Variants in ADGRL2 observed in about 807,000 individuals in gnomAD.
ADGRL2 encodes calcium-independent alpha-latrotoxin receptor 2.
Under a neutral mutation model 157.4 loss-of-function variants are expected in ADGRL2, and 44 were observed. The ratio of observed to expected loss-of-function variants is 0.28; its 90% confidence interval spans 0.22 to 0.36. ADGRL2 has a LOEUF of 0.36. ADGRL2 is among the 10% of genes least tolerant of loss of function. The probability of loss-of-function intolerance (pLI) is 1.00; values close to 1 mark genes in which losing one functional copy is unlikely to be tolerated. For missense variants in ADGRL2, 1,510 were observed against 1,768.9 expected (o/e 0.85, Z 2.63); for synonymous variants, 585 against 624.7 (o/e 0.94, Z 0.95).
chr1:81,471,024 C>T (rs1404432794), intron 2 of ADGRL2, among the ~76,000 whole-genome samples: 1 of 152,098 alleles, frequency 6.6e-6, no homozygotes, highest in Non-Finnish European at 1.5e-5. Context: ...AGTCTGTTTC[C>T]TCACTGGTAA....
At chr1:81,912,594 A>C (rs2094756142) in intron 3 of ADGRL2, among the ~76,000 whole-genome samples, 1 of 152,150 alleles carries the variant, frequency 6.6e-6, no homozygotes, top group Admixed American at 6.5e-5. Flanking sequence ...GATATCACCC[A>C]CAGAGATTAT....
At chr1:81,857,877 A>T (rs546838101) in intron 2 of ADGRL2, among the ~76,000 whole-genome samples, 5 of 152,140 alleles carry the variant, frequency 3.3e-5, no homozygotes, top group Non-Finnish European at 7.4e-5. Context: ...TGGAATTTTT[A>T]TCTTATTTAT....
chr1:81,403,596 T>C (rs1434209371), intron 1 of ADGRL2, among the ~76,000 whole-genome samples: 1 of 152,042 alleles, frequency 6.6e-6, no homozygotes, highest in Non-Finnish European at 1.5e-5. Context: ...AGTGTACCTC[T>C]AGGATGGCAT....
At chr1:81,830,265 T>TA (rs2091849780) in intron 1 of ADGRL2, among the ~76,000 whole-genome samples, 1 of 152,118 alleles carries the variant, frequency 6.6e-6, no homozygotes, top group Non-Finnish European at 1.5e-5. Context: ...GGATATCCAT[T>TA]AAAAATGTGT....
intron 3 of ADGRL2, among the ~76,000 whole-genome samples, chr1:81,615,796 A>G (rs1489597007): frequency 6.6e-6 from 1 of 152,244 alleles, no homozygotes; most frequent in African/African-American, 2.4e-5. Flanking sequence ...GTTGGTCTCT[A>G]TCTTCAGGAA....
At chr1:81,973,416 C>T (rs1170249750) in intron 17 of ADGRL2, among the ~76,000 whole-genome samples, 1 of 152,064 alleles carries the variant, frequency 6.6e-6, no homozygotes, top group East Asian at 1.9e-4. Flanking sequence ...CCTCTAAGAC[C>T]TTCGTCAAAC....
intron 2 of ADGRL2, among the ~76,000 whole-genome samples, chr1:81,872,993 A>G (rs17107382): frequency 0.054 from 8,165 of 152,224 alleles, 664 homozygotes; most frequent in African/African-American, 0.18. Flanking sequence ...AACATGGATT[A>G]AAATGAGCAA....
At chr1:81,883,825 A>T (rs918759155) in intron 2 of ADGRL2, among the ~76,000 whole-genome samples, 1 of 151,944 alleles carries the variant, frequency 6.6e-6, no homozygotes, top group African/African-American at 2.4e-5. Context: ...GTCTTCCTTT[A>T]TCAGTTTTAA....
At chr1:81,982,788 G>A (rs1414099485) in intron 19 of ADGRL2, among the ~76,000 whole-genome samples, 1 of 152,012 alleles carries the variant, frequency 6.6e-6, no homozygotes, top group East Asian at 1.9e-4. Context: ...AGTGGAATGT[G>A]CAATACTGAC....
chr1:81,651,737 T>A (rs2082424223), intron 3 of ADGRL2, among the ~76,000 whole-genome samples: 1 of 152,142 alleles, frequency 6.6e-6, no homozygotes, highest in Admixed American at 6.5e-5. Flanking sequence ...GTTTGTTTGT[T>A]TGTGTTTGTT....
chr1:81,990,833 A>G lies in ADGRL2; in HGVS notation c.4098A>G (p.Thr1366=), dbSNP rs1459678806. Residue 1366 remains threonine (T), a synonymous_variant, in exon 24 of 24, where the codon ACA becomes ACG. Transcript: ENST00000686636. ...CTGACAGCTATGTCTCCCAACTGAC[A>G]GCAGAGGCTGAAGATCACCTACAGT... ...EGTDSYVSQL[T]AEAEDHLQSP... is the part of the protein sequence containing the mutation. 1 of 1,614,048 alleles carries G rather than the reference A, an allele frequency of 6.2e-7. No individual in the cohort carries two copies. Among genetic ancestry groups the G allele is most frequent in the African/African-American group, 1.3e-5 (1 of 74,934 alleles).
At chr1:81,420,849 A>T (rs996227666) in intron 1 of ADGRL2, among the ~76,000 whole-genome samples, 4 of 152,180 alleles carry the variant, frequency 2.6e-5, no homozygotes, top group African/African-American at 9.7e-5. Context: ...GGGTTATGAA[A>T]GATGAACTAC....
intron 1 of ADGRL2, among the ~76,000 whole-genome samples, chr1:81,706,605 A>G (rs1010554764): frequency 1.3e-5 from 2 of 152,206 alleles, no homozygotes; most frequent in Non-Finnish European, 2.9e-5. Flanking sequence ...TTGTCAACGA[A>G]AAGAGAGAAC....
chr1:81,524,833 A>C (rs148182352), intron 2 of ADGRL2, among the ~76,000 whole-genome samples: 1 of 152,212 alleles, frequency 6.6e-6, no homozygotes, highest in East Asian at 1.9e-4. Flanking sequence ...TGAGTCCAGG[A>C]GTTAGAGGCT....
intron 1 of ADGRL2, among the ~76,000 whole-genome samples, chr1:81,381,446 C>T (rs1191474055): frequency 6.6e-6 from 1 of 152,108 alleles, no homozygotes; most frequent in Admixed American, 6.5e-5. Flanking sequence ...GGCATGGTGG[C>T]ACACCTGTAG....
At chr1:81,852,756 G>A (rs1571682080) in intron 2 of ADGRL2, among the ~76,000 whole-genome samples, 1 of 151,980 alleles carries the variant, frequency 6.6e-6, no homozygotes, top group Non-Finnish European at 1.5e-5. Flanking sequence ...AAAAAAATTA[G>A]TAAATTCTGT....
intron 3 of ADGRL2, among the ~76,000 whole-genome samples, chr1:81,927,175 C>A (rs1421694715): frequency 6.6e-6 from 1 of 151,904 alleles, no homozygotes; most frequent in African/African-American, 2.4e-5. Context: ...ACGACAACCT[C>A]CTAGAATTGA....
Position 81,708,486 on chromosome 1 carries a change from T to C in ADGRL2, c.-143+8678T>C, listed in dbSNP as rs530774144. Among the ~76,000 whole-genome samples, 3 of 152,288 alleles carry C rather than the reference T, an allele frequency of 2.0e-5. No homozygotes were observed. The East Asian group carries it at 5.8e-4, about 29-fold the overall frequency. ...GAAGTGGGAATGCTCTTAATTTTCC[T>C]ACACGCATCTGCAGAAGTACTTTTG... On this transcript the variant is annotated intron_variant, in intron 1 of 20. Transcript: ENST00000359929.
At chr1:81,465,152 A>G (rs184836260) in intron 2 of ADGRL2, among the ~76,000 whole-genome samples, 35 of 152,260 alleles carry the variant, frequency 2.3e-4, no homozygotes, top group Middle Eastern at 3.4e-3. Context: ...GACAACTTCA[A>G]ATATCACAAT....
Sources: allele counts gnomAD v4.1 joint callset (sites outside exome capture counted in the v4.1 genomes callset), GRCh38; gene constraint gnomAD v4.1.1; transcripts MANE v1.5; gene names NCBI Gene and HGNC (gene_info 2026-07-23, HGNC 2026-07-21).